The following BMPR1B variants were observed in gnomAD, a reference collection of about 807,000 sequenced individuals.
BMPR1B encodes the protein bone morphogenetic protein receptor type 1B, also known as bone morphogenetic protein receptor type-1B.
BMPR1B carries 12 observed loss-of-function variants against 59.1 expected under a neutral mutation model. The ratio of observed to expected loss-of-function variants is 0.20; its 90% CI spans 0.13 to 0.33. The LOEUF (loss-of-function observed/expected upper bound fraction) is 0.33. Among genes scored for constraint, BMPR1B ranks in the 10% least tolerant of loss-of-function variants. The pLI, the probability that BMPR1B is intolerant of heterozygous loss-of-function variation, is 1.00. For synonymous variants in BMPR1B, 237 were observed against 207.3 expected (o/e 1.14, Z -1.23); for missense variants, 550 against 610.9 (o/e 0.90, Z 1.05).
At chr4:95,024,187 A>G (rs1578945967) in intron 3 of BMPR1B, among the ~76,000 whole-genome samples, 1 of 152,322 alleles carries the variant, frequency 6.6e-6, no homozygotes, top group Non-Finnish European at 1.5e-5. Flanking sequence ...ATATATTGGA[A>G]TCTCCATTTG....
intron 1 of BMPR1B, among the ~76,000 whole-genome samples, chr4:94,775,640 G>T (rs1031458172): frequency 2.0e-5 from 3 of 152,218 alleles, no homozygotes; most frequent in African/African-American, 7.2e-5. Context: ...AGCTTGAATA[G>T]ATTTTAATAT....
chr4:95,042,734 G>A (rs1725746656), intron 3 of BMPR1B, among the ~76,000 whole-genome samples: 1 of 152,110 alleles, frequency 6.6e-6, no homozygotes, highest in Admixed American at 6.5e-5. Context: ...ATCATTCTAT[G>A]TTCTATCTGG....
intron 1 of BMPR1B, among the ~76,000 whole-genome samples, chr4:94,846,077 G>T (rs943801097): frequency 6.6e-6 from 1 of 152,192 alleles, no homozygotes; most frequent in African/African-American, 2.4e-5. Context: ...CAGAGCTATA[G>T]TAATCAAAAC....
chr4:95,025,941 T>G (rs1448037517), intron 3 of BMPR1B, among the ~76,000 whole-genome samples: 1 of 152,176 alleles, frequency 6.6e-6, no homozygotes, highest in Non-Finnish European at 1.5e-5. Context: ...GAAACATTTG[T>G]TTAATTTTTA....
intron 3 of BMPR1B, among the ~76,000 whole-genome samples, chr4:95,071,066 GGTAT>G (rs1045052836): frequency 4.6e-4 from 70 of 151,934 alleles, no homozygotes; most frequent in African/African-American, 1.6e-3. Context: ...TAAGATTTTT[GGTAT>G]GTATGTATCT....
At chr4:95,007,072 T>C (rs1417369592) in intron 3 of BMPR1B, among the ~76,000 whole-genome samples, 1 of 152,140 alleles carries the variant, frequency 6.6e-6, no homozygotes, top group Non-Finnish European at 1.5e-5. Flanking sequence ...TTTTAATATA[T>C]TATTCTCATG....
intron 10 of BMPR1B, among the ~76,000 whole-genome samples, chr4:95,141,502 T>C (rs1734226962): frequency 6.6e-6 from 1 of 152,202 alleles, no homozygotes; most frequent in Non-Finnish European, 1.5e-5. Flanking sequence ...TTCCTGCTCA[T>C]ATAAATTTTA....
intron 1 of BMPR1B, among the ~76,000 whole-genome samples, chr4:94,851,249 A>G (rs1156585805): frequency 6.8e-6 from 1 of 147,084 alleles, no homozygotes; most frequent in African/African-American, 2.5e-5. Context: ...TAATTTTGAT[A>G]GGAAAACTGA....
At chr4:95,016,256 A>AT (rs957537911) in intron 3 of BMPR1B, among the ~76,000 whole-genome samples, 104 of 150,042 alleles carry the variant, frequency 6.9e-4, no homozygotes, top group African/African-American at 1.4e-3. Flanking sequence ...TACAAGTGTG[A>AT]TTTTTTTTTT....
At chr4:95,057,119 G>A (rs554921451) in intron 3 of BMPR1B, among the ~76,000 whole-genome samples, 1 of 152,156 alleles carries the variant, frequency 6.6e-6, no homozygotes, top group Non-Finnish European at 1.5e-5. Context: ...TATAGCACAG[G>A]CTTGGTGTAT....
chr4:95,081,082 A>T (rs1729102091), intron 3 of BMPR1B, among the ~76,000 whole-genome samples: 1 of 152,086 alleles, frequency 6.6e-6, no homozygotes, highest in South Asian at 2.1e-4. Flanking sequence ...GTGAGTTCTC[A>T]TGAGATCTGA....
intron 10 of BMPR1B, among the ~76,000 whole-genome samples, chr4:95,139,813 A>G (rs1358922981): frequency 2.0e-5 from 3 of 152,136 alleles, no homozygotes; most frequent in South Asian, 4.1e-4. Context: ...GAGTGTTCCA[A>G]TTTTCCAGGT....
chr4:95,111,881 T>C (rs1296223536), intron 4 of BMPR1B, among the ~76,000 whole-genome samples: 2 of 152,114 alleles, frequency 1.3e-5, no homozygotes, highest in Non-Finnish European at 1.5e-5. Flanking sequence ...ATTCTTTTTC[T>C]TCTCTCCCTG....
At chr4:95,057,975 A>G (rs1017975224) in intron 3 of BMPR1B, among the ~76,000 whole-genome samples, 4 of 152,198 alleles carry the variant, frequency 2.6e-5, no homozygotes, top group Non-Finnish European at 4.4e-5. Context: ...AGATCTGACT[A>G]TCTTTTACTC....
chr4:95,033,574 C>T lies in BMPR1B; in HGVS notation c.-18+37440C>T, dbSNP rs1352071572. 3.9e-5 allele frequency among the ~76,000 whole-genome samples: 6 copies of T among 152,078 alleles called. No homozygotes were observed. The East Asian group carries it at 7.7e-4, about 20-fold the overall frequency. ...TCTTTTCCCTTTTGAATGGTCTTGG[C>T]ATACTTACTCTACATACAATGCCAG... On this transcript the variant is annotated intron_variant, in intron 3 of 12. Coordinates refer to ENST00000515059, the MANE Select transcript of BMPR1B (RefSeq NM_001203.3).
At chr4:94,839,378 T>C (rs1323108677) in intron 1 of BMPR1B, among the ~76,000 whole-genome samples, 1 of 146,548 alleles carries the variant, frequency 6.8e-6, no homozygotes, top group East Asian at 1.9e-4. Flanking sequence ...TCTCCCATTA[T>C]TAATGTGTGG....
chr4:94,820,217 G>A (rs897430279), intron 1 of BMPR1B, among the ~76,000 whole-genome samples: 3 of 152,188 alleles, frequency 2.0e-5, no homozygotes, highest in Admixed American at 1.3e-4. Context: ...GACCTTGAAT[G>A]TATGGAGCAG....
rs915626496 is a variant in BMPR1B at position 94,792,474 on chromosome 4, A to AAC, written c.-183+34418_-183+34419dup. 8.6e-5 allele frequency among the ~76,000 whole-genome samples: 13 copies of AAC among 151,648 alleles called. No homozygotes were observed. In the East Asian group the frequency reaches 1.4e-3, roughly 16 times the overall value. On this transcript the variant is annotated intron_variant, in intron 1 of 12. Coordinates refer to ENST00000515059, the MANE Select transcript of BMPR1B (RefSeq NM_001203.3). ...ACTCTTTTTTTCCAGATTACAACATAACACACACACACATACACACACGCA... is the reference window on the plus strand; with the variant it reads ...ACTCTTTTTTTCCAGATTACAACATAACACACACACACACATACACACACGCA...
At chr4:94,898,718 A>ATT (rs1553916658) in intron 2 of BMPR1B, among the ~76,000 whole-genome samples, 1 of 151,612 alleles carries the variant, frequency 6.6e-6, no homozygotes, top group African/African-American at 2.4e-5. Flanking sequence ...CACTTTAAAC[A>ATT]CTTCATTTTT....
Sources: gnomAD v4.1 joint callset for allele counts (sites outside exome capture counted in the v4.1 genomes callset) on GRCh38, gnomAD v4.1.1 for gene constraint, MANE v1.5 for transcripts, NCBI Gene and HGNC (gene_info 2026-07-23, HGNC 2026-07-21) for gene names.